NUP214: variants seen among roughly 807,000 people sequenced by gnomAD.
NUP214 encodes the protein nuclear pore complex protein Nup214.
Under a neutral mutation model 196.2 loss-of-function variants are expected in NUP214, and 79 were observed. The ratio of observed to expected loss-of-function variants is 0.40; its 90% confidence interval spans 0.34 to 0.49. The LOEUF is 0.49. Among genes scored for constraint, NUP214 ranks in the 20% least tolerant of loss-of-function variants. The pLI is 0.58. For missense variants in NUP214, 2,468 were observed against 2,539.0 expected (o/e 0.97, Z 0.60); for synonymous variants, 1,020 against 990.5 (o/e 1.03, Z -0.56).
Position 131,146,291 on chromosome 9 carries a change from G to A in NUP214, c.1932G>A (p.Leu644=). 6.2e-7 allele frequency: 1 copy of A among 1,614,072 alleles called. No individual in the cohort carries two copies. The highest frequency in any genetic ancestry group is 8.5e-7 in the Non-Finnish European group (1 of 1,179,980). The change falls in exon 13 of 36, where the codon TTG becomes TTA. Residue 644 remains leucine, a synonymous_variant. Transcript: ENST00000359428. This position sits in a 1 kb window ranked among gnomAD's most constrained non-coding sequence, Gnocchi z 4.6. ...CCGTGCCATTGAAGTCCTCAGTCTT[G>A]CCCTCACCATCAGGTATGATTTTAA... ...PSSVPLKSSV[L]PSPSGRSAQG...
intron 23 of NUP214, among the ~76,000 whole-genome samples, chr9:131,176,773 AT>A (rs1157137866): frequency 4.6e-5 from 7 of 152,246 alleles, no homozygotes; most frequent in African/African-American, 1.7e-4. Context: ...GTACATTAGG[AT>A]TTTACAGTCT....
chr9:131,187,513 A>G, intron 25 of NUP214, 149 bp downstream of exon 25: 1 of 608,006 alleles, frequency 1.6e-6, no homozygotes, highest in South Asian at 2.0e-5. Context: ...CAGCCTCCTG[A>G]GTAGTTGGGA....
At position 131,222,822 on chromosome 9, in the gene NUP214, G is replaced by A; in HGVS notation, c.5794G>A (p.Gly1932Arg). The A allele has an allele frequency of 6.2e-7, 1 of 1,614,174 alleles. No homozygotes were observed. The highest frequency in any genetic ancestry group is 1.6e-4 in the Middle Eastern group (1 of 6,062). Residue 1932 changes from glycine (G) to arginine (R), a missense_variant, in exon 32 of 36, where the codon GGA becomes AGA. Transcript: ENST00000359428. ...FGNSGAKTFG[G>R]FASSSFGEQK... ...AAACAGTGGGGCCAAGACATTTGGT[G>A]GATTTGCCAGCTCGTCGTTTGGAGA...
intron 24 of NUP214, among the ~76,000 whole-genome samples, chr9:131,182,462 T>A (rs1227748262): frequency 6.6e-6 from 1 of 152,236 alleles, no homozygotes; most frequent in Non-Finnish European, 1.5e-5. Context: ...GGTTGCATGC[T>A]CCTTATGATA....
rs779727813 is a variant in NUP214 at position 131,197,267 on chromosome 9, G to A, written c.3773G>A (p.Gly1258Asp). The A allele has an allele frequency of 1.9e-6, 3 of 1,614,174 alleles. No individual in the cohort carries two copies. In the South Asian group the frequency reaches 3.3e-5, roughly 18 times the overall value. Residue 1258 changes from glycine (G) to aspartate (D), a missense_variant, in exon 29 of 36, where the codon GGT (glycine) becomes GAT (aspartate). By Grantham distance (94) the Gly-to-Asp change is moderately conservative. Transcript: ENST00000359428. ...AGCCAGCCGGACGCATTCTCATCTGGTGGGGGAAGCAAACCTTCTTATGAG... is the reference window on the plus strand; with the variant it reads ...AGCCAGCCGGACGCATTCTCATCTGATGGGGGAAGCAAACCTTCTTATGAG... ...ESSQPDAFSS[G>D]GGSKPSYEAI...
At chr9:131,185,755 A>G (rs1426344900) in intron 24 of NUP214, among the ~76,000 whole-genome samples, 1 of 152,212 alleles carries the variant, frequency 6.6e-6, no homozygotes, top group Admixed American at 6.5e-5. Flanking sequence ...TGCACTGAAC[A>G]GCATTTCTTT....
chr9:131,201,293 C>A (rs969381218), intron 29 of NUP214, among the ~76,000 whole-genome samples: 2 of 151,502 alleles, frequency 1.3e-5, no homozygotes, highest in Non-Finnish European at 2.9e-5. Flanking sequence ...ATGGAGAAAC[C>A]CCGTCTGTAC....
chr9:131,164,390 T>C, intron 21 of NUP214: 1 of 496,140 alleles, frequency 2.0e-6, no homozygotes, highest in Non-Finnish European at 3.6e-6. Flanking sequence ...CGTTTTGGCT[T>C]TTACACTGTT....
chr9:131,222,965 T>C, intron 32 of NUP214, 35 bp downstream of exon 32: 1 of 1,599,204 alleles, frequency 6.3e-7, no homozygotes. Context: ...GTTATCTTTA[T>C]ATATGTATTT....
At chr9:131,191,435 T>G (rs1833599025) in intron 26 of NUP214, 1 of 152,138 alleles carries the variant, frequency 6.6e-6, no homozygotes, top group Non-Finnish European at 1.5e-5. Context: ...GCCACTGCAC[T>G]CCAGCCTGGG....
chr9:131,160,182 CTA>C (rs1405959508), intron 18 of NUP214, among the ~76,000 whole-genome samples: 2 of 151,584 alleles, frequency 1.3e-5, no homozygotes, highest in Middle Eastern at 3.4e-3. Context: ...GAATATATAA[CTA>C]TTTCGCTATA....
intron 18 of NUP214, chr9:131,162,762 A>G: frequency 1.9e-6 from 1 of 525,112 alleles, no homozygotes. Context: ...GTCCTTTGCT[A>G]CAGGACTGGC....
At chr9:131,223,269 C>T (rs570163025) in intron 32 of NUP214, among the ~76,000 whole-genome samples, 6 of 152,100 alleles carry the variant, frequency 3.9e-5, no homozygotes, top group East Asian at 3.9e-4. Context: ...CTGGTTCAAG[C>T]GATTCTCCTG....
intron 5 of NUP214, among the ~76,000 whole-genome samples, 175 bp from the exon 6 acceptor site, chr9:131,132,421 T>TG (rs1831584861): frequency 6.6e-6 from 1 of 152,168 alleles, no homozygotes; most frequent in Admixed American, 6.5e-5. Flanking sequence ...GCCACGTTCA[T>TG]GGGTTTCTGT....
intron 18 of NUP214, among the ~76,000 whole-genome samples, chr9:131,160,819 G>A (rs555068185): frequency 1.2e-4 from 19 of 152,330 alleles, no homozygotes; most frequent in African/African-American, 4.1e-4. Flanking sequence ...TAGGGAGATA[G>A]AAGTGAGAAG....
At chr9:131,172,467 T>C (rs1832987863) in intron 21 of NUP214, among the ~76,000 whole-genome samples, 1 of 152,198 alleles carries the variant, frequency 6.6e-6, no homozygotes, top group African/African-American at 2.4e-5. Context: ...CTTTGTCAGA[T>C]GAGTAGGTTG....
chr9:131,196,994 T>TA (rs1044707271), intron 28 of NUP214, among the ~76,000 whole-genome samples: 1 of 152,154 alleles, frequency 6.6e-6, no homozygotes, highest in African/African-American at 2.4e-5. Flanking sequence ...TTAATGGTCA[T>TA]AAAAAAAGTA....
chr9:131,134,783 C>A, intron 7 of NUP214, 115 bp from the exon 8 acceptor site: 1 of 694,454 alleles, frequency 1.4e-6, no homozygotes. Flanking sequence ...TATATCTGGA[C>A]TTTGAGTAAA....
At chr9:131,133,553 C>G (rs1564177998) in intron 7 of NUP214, 2 of 165,396 alleles carry the variant, frequency 1.2e-5, no homozygotes, top group Non-Finnish European at 1.3e-5. Context: ...ATCTGCCCAC[C>G]TAGGCTTCTC....
Sources: gnomAD v4.1 joint callset for allele counts (sites outside exome capture counted in the v4.1 genomes callset) on GRCh38, gnomAD v4.1.1 for gene constraint, Gnocchi (gnomAD v3.1) non-coding constraint, MANE v1.5 for transcripts, NCBI Gene and HGNC (gene_info 2026-07-23, HGNC 2026-07-21) for gene names.